The following ACIN1 variants were observed in gnomAD, a reference collection of about 807,000 sequenced individuals.
ACIN1 encodes apoptotic chromatin condensation inducer 1.
A neutral mutation model predicts 146.6 loss-of-function variants in ACIN1; 16 were observed. The observed-to-expected ratio is 0.11, with a 90% confidence interval of 0.07 to 0.17. ACIN1 has a LOEUF of 0.17. Ranked by LOEUF, ACIN1 falls within the 10% of genes least tolerant of loss-of-function variation. ACIN1 has a pLI of 1.00. For synonymous variants in ACIN1, 569 were observed against 582.7 expected, an observed-to-expected ratio of 0.98 and a Z score of 0.34; for missense variants, 1,357 against 1,609.3, an observed-to-expected ratio of 0.84 and a Z score of 2.68.
rs771267136 is a variant in ACIN1 at position 23,079,649 on chromosome 14, A to G, written c.1686T>C (p.His562=). The stretch of plus-strand genomic sequence containing the variant: ...TCTTGGGTCTACCACGAGGGTTGGC[A>G]TGAGTACGTGCCTGGGCTACATCTC... The part of the protein sequence containing the change: ...KQRDVAQART[H]ANPRGRPKMG... Residue 562 remains histidine, a synonymous_variant, in exon 6 of 19, where the codon CAT becomes CAC. Transcript: ENST00000605057. 22 of 1,614,178 alleles carry G rather than the reference A, an allele frequency of 1.4e-5. No homozygotes were observed. Among genetic ancestry groups the G allele is most frequent in the East Asian group, 2.2e-5 (1 of 44,888 alleles).
At chr14:23,084,015 C>T (rs1047996546) in intron 4 of ACIN1, among the ~76,000 whole-genome samples, 1 of 151,364 alleles carries the variant, frequency 6.6e-6, no homozygotes, top group Non-Finnish European at 1.5e-5. Flanking sequence ...GGCACGATTT[C>T]GGTTCACTGC....
In ACIN1 at chr14:23,079,619, G is replaced by A; in HGVS notation, c.1716C>T (p.Gly572=). Residue 572 remains glycine, a synonymous_variant, in exon 6 of 19, where the codon GGC becomes GGT. Coordinates refer to ENST00000605057, the MANE Select transcript of ACIN1 (RefSeq NM_001386863.1). Reference sequence around the variant, plus strand: ...ATCTGGACTCTGATGTTGATCTGGAGCCCATCTTGGGTCTACCACGAGGGT... The same window carrying A: ...ATCTGGACTCTGATGTTGATCTGGAACCCATCTTGGGTCTACCACGAGGGT... ...HANPRGRPKM[G]SRSTSESRSR... 1 of 1,614,152 alleles carries A rather than the reference G, an allele frequency of 6.2e-7. No homozygotes were observed.
In ACIN1 at chr14:23,058,930, G is replaced by A; in HGVS notation, c.*218C>T. The A allele has an allele frequency of 1.8e-6, 1 of 564,602 alleles. No individual in the cohort carries two copies. The highest frequency in any genetic ancestry group is 2.8e-5 in the East Asian group (1 of 35,538). The allele number at this position is 564,602 out of a possible 1,614,324, so 35.0% of individuals were successfully genotyped here. Reference sequence around the variant, plus strand: ...CTAGCTCTTGCCTCTCAGACTTAATGGGAAATGAGAGGGAGGGTCGGGCTA... The same window carrying A: ...CTAGCTCTTGCCTCTCAGACTTAATAGGAAATGAGAGGGAGGGTCGGGCTA... On this transcript the variant is annotated 3_prime_UTR_variant, in exon 19 of 19. Coordinates refer to ENST00000605057, the MANE Select transcript of ACIN1 (RefSeq NM_001386863.1).
chr14:23,071,629 G>A (rs2047658418), intron 8 of ACIN1: 1 of 1,444,502 alleles, frequency 6.9e-7, no homozygotes, highest in Non-Finnish European at 9.3e-7. Flanking sequence ...GGAAAGAAAA[G>A]AGGGAGGGAG....
chr14:23,070,338 G>A (rs2047596806), intron 8 of ACIN1, among the ~76,000 whole-genome samples: 1 of 152,000 alleles, frequency 6.6e-6, no homozygotes, highest in South Asian at 2.1e-4. Context: ...AGAGATTAGG[G>A]CCACTTTTAC....
rs867353783 is a variant in ACIN1, at chr14:23,062,677, G to A, written c.2884-154C>T. On this transcript the variant is annotated intron_variant, in intron 14 of 18. Coordinates refer to ENST00000605057, the MANE Select transcript of ACIN1 (RefSeq NM_001386863.1). ...TTGCAGTAAGAATGTGAGAAGAGTGGTGGTGCTTCCCAGCACTAATTGAGA... is the reference window on the plus strand; with the variant it reads ...TTGCAGTAAGAATGTGAGAAGAGTGATGGTGCTTCCCAGCACTAATTGAGA... 5.7e-5 allele frequency: 45 copies of A among 791,730 alleles called. 2 individuals carry two copies. Among genetic ancestry groups the A allele is most frequent in the African/African-American group, 4.5e-4 (26 of 57,820 alleles). 49.0% of individuals were successfully genotyped at this position (791,730 alleles called of 1,614,324 possible).
intron 2 of ACIN1, 132 bp downstream of exon 2, chr14:23,093,347 G>A: frequency 3.3e-6 from 3 of 902,708 alleles, no homozygotes; most frequent in Non-Finnish European, 5.2e-6. Flanking sequence ...GTCCTGGTTT[G>A]AGAACATTTC....
At chr14:23,075,709 A>ATTT (rs763083144) in intron 8 of ACIN1, among the ~76,000 whole-genome samples, 1 of 144,842 alleles carries the variant, frequency 6.9e-6, no homozygotes, top group East Asian at 2.0e-4. Flanking sequence ...GGTCTTTTCC[A>ATTT]TTTTTTTTTT....
At chr14:23,060,521 T>C (rs1385974891) in intron 18 of ACIN1, among the ~76,000 whole-genome samples, 1 of 151,786 alleles carries the variant, frequency 6.6e-6, no homozygotes, top group East Asian at 1.9e-4. Context: ...TTTTTTTTTT[T>C]AATTGTCTGA....
intron 5 of ACIN1, among the ~76,000 whole-genome samples, chr14:23,081,256 C>T (rs1383111499): frequency 1.7e-5 from 2 of 116,780 alleles, no homozygotes; most frequent in Non-Finnish European, 3.4e-5. Flanking sequence ...GTATTCTGCC[C>T]ACTTAGTGTT....
chr14:23,091,415 A>G (rs2048223009), intron 2 of ACIN1, among the ~76,000 whole-genome samples: 1 of 151,994 alleles, frequency 6.6e-6, no homozygotes, highest in African/African-American at 2.4e-5. Flanking sequence ...TCTCAGCAAC[A>G]TGGCAAAACC....
chr14:23,095,212 A>C, upstream of ACIN1: 4 of 1,613,890 alleles, frequency 2.5e-6, no homozygotes, highest in Non-Finnish European at 3.4e-6. Context: ...GCCCACTGCC[A>C]TACTCTACCC....
intron 14 of ACIN1, 50 bp from the exon 15 acceptor site, chr14:23,062,573 C>T (rs531708778): frequency 2.6e-6 from 4 of 1,516,924 alleles, no homozygotes; most frequent in South Asian, 2.2e-5. Context: ...AAGACCACCA[C>T]CCAATCTTTA....
chr14:23,092,794 T>A (rs1032289332), intron 2 of ACIN1, among the ~76,000 whole-genome samples: 17 of 152,162 alleles, frequency 1.1e-4, no homozygotes, highest in African/African-American at 3.9e-4. Context: ...TAATCTAGTT[T>A]AAGAGAGGAG....
intron 18 of ACIN1, 152 bp from the exon 19 acceptor site, chr14:23,059,626 A>G: frequency 3.2e-6 from 2 of 633,884 alleles, no homozygotes; most frequent in East Asian, 2.6e-5. Flanking sequence ...TCTTTCTTAG[A>G]GCACCTCTCT....
intron 1 of ACIN1, 110 bp downstream of exon 1, chr14:23,094,865 C>A: frequency 7.0e-7 from 1 of 1,419,200 alleles, no homozygotes; most frequent in Non-Finnish European, 9.3e-7. Context: ...CTCGCGCTGG[C>A]GGCCTGAGCG....
chr14:23,071,631 G>T, intron 8 of ACIN1: 1 of 1,438,486 alleles, frequency 7.0e-7, no homozygotes. Flanking sequence ...AAAGAAAAGA[G>T]GGAGGGAGCT....
Position 23,064,403 on chromosome 14 carries a change from G to A in ACIN1, c.2394C>T (p.Ala798=), listed in dbSNP as rs2047385213. ...GRKRRWGAST[A]TTQKKPSISI... ...TGATGGAAGGTTTCTTCTGTGTGGT[G>A]GCTGTGCTGGCTCCCCAGCGTCGTT... Residue 798 remains alanine (A), a synonymous_variant, in exon 11 of 19, where the codon GCC becomes GCT. Transcript: ENST00000605057. The A allele has an allele frequency of 6.2e-7, 1 of 1,614,148 alleles. No homozygotes were observed. The highest frequency in any genetic ancestry group is 1.7e-5 in the Admixed American group (1 of 60,014).
At chr14:23,070,009 C>A (rs1345224609) in intron 8 of ACIN1, among the ~76,000 whole-genome samples, 1 of 152,108 alleles carries the variant, frequency 6.6e-6, no homozygotes, top group Non-Finnish European at 1.5e-5. Flanking sequence ...CCTCAGTCTC[C>A]CTGGCCAAAG....
Sources: gnomAD v4.1 joint callset for allele counts (sites outside exome capture counted in the v4.1 genomes callset) on GRCh38, gnomAD v4.1.1 for gene constraint, MANE v1.5 for transcripts, NCBI Gene and HGNC (gene_info 2026-07-23, HGNC 2026-07-21) for gene names.